SERAC1: variants seen among roughly 807,000 people sequenced by gnomAD.
SERAC1 encodes protein SERAC1.
In SERAC1, 36 loss-of-function variants were observed where a neutral mutation model predicts 85.7. That is an observed-to-expected ratio of 0.42 (90% CI 0.32 to 0.55). SERAC1 has a LOEUF of 0.55. SERAC1 is among the 20% of genes least tolerant of loss of function. The pLI, the probability that SERAC1 is intolerant of heterozygous loss-of-function variation, is 0.11. For missense variants in SERAC1, 629 were observed against 796.2 expected (o/e 0.79, Z 2.53); for synonymous variants, 242 against 265.3 (o/e 0.91, Z 0.85).
At chr6:158,125,337 AAAAAT>A (rs796485590) in intron 10 of SERAC1, among the ~76,000 whole-genome samples, 3 of 152,314 alleles carry the variant, frequency 2.0e-5, no homozygotes, top group African/African-American at 7.2e-5. Flanking sequence ...TTTTAAATAA[AAAAAT>A]AAAAGAGGCT....
intron 3 of SERAC1, 32 bp downstream of exon 3, chr6:158,155,283 A>C (rs1430969154): frequency 6.9e-7 from 1 of 1,452,576 alleles, no homozygotes; most frequent in South Asian, 1.1e-5. Flanking sequence ...AGTATAATGA[A>C]GCCAATTAAT....
At position 158,148,891 on chromosome 6, in the gene SERAC1, G is replaced by A. The variant is rs368403843; in HGVS notation, c.329C>T (p.Ala110Val). 8 of 1,612,074 alleles carry A rather than the reference G, an allele frequency of 5.0e-6. No homozygotes were observed. In the African/African-American group the frequency reaches 1.1e-4, roughly 22 times the overall value. ...AGCAAATGGATTCCGCAGTATCTTG[G>A]CTGATGTTGCCAATACTTTTCTTAC... Reference protein sequence around the residue: ...KAVRKVLATSAKILRNPFADP... With the variant: ...KAVRKVLATSVKILRNPFADP... Residue 110 changes from alanine (A) to valine (V), a missense_variant, in exon 5 of 17, where the codon GCC becomes GTC. Transcript: ENST00000647468.
chr6:158,150,263 C>T (rs1785171083), intron 4 of SERAC1, among the ~76,000 whole-genome samples, 190 bp downstream of exon 4: 1 of 152,150 alleles, frequency 6.6e-6, no homozygotes, highest in South Asian at 2.1e-4. Flanking sequence ...GAGTTGCAAA[C>T]CTGGATTAAA....
intron 15 of SERAC1, 90 bp downstream of exon 15, chr6:158,114,699 G>GATAATACATTCAAGGAATATAAAATGAT (rs1286910569): frequency 1.3e-6 from 2 of 1,590,578 alleles, no homozygotes; most frequent in Non-Finnish European, 1.7e-6. Flanking sequence ...TATAAAATGA[G>GATAATACATTCAAGGAATATAAAATGAT]ATAATACATT....
chr6:158,139,911 G>T (rs981360541), intron 8 of SERAC1, among the ~76,000 whole-genome samples: 3 of 152,186 alleles, frequency 2.0e-5, no homozygotes, highest in South Asian at 2.1e-4. Flanking sequence ...CACACAATGG[G>T]ATGGCTAGAA....
intron 9 of SERAC1, among the ~76,000 whole-genome samples, chr6:158,129,987 C>A (rs1046939017): frequency 6.6e-6 from 1 of 152,156 alleles, no homozygotes; most frequent in Non-Finnish European, 1.5e-5. Context: ...TGAGCCACCG[C>A]GCCCAGCCTG....
At chr6:158,130,293 T>C (rs566656141) in intron 9 of SERAC1, 80 bp downstream of exon 9, 271 of 694,572 alleles carry the variant, frequency 3.9e-4, no homozygotes, top group Non-Finnish European at 5.4e-4. Flanking sequence ...TAAATGATTA[T>C]TGCCCTTGCA....
At chr6:158,160,421 G>A (rs557245823) in intron 1 of SERAC1, among the ~76,000 whole-genome samples, 1 of 152,240 alleles carries the variant, frequency 6.6e-6, no homozygotes, top group Non-Finnish European at 1.5e-5. Flanking sequence ...GCCATCAGGT[G>A]CACACAAATG....
Position 158,120,106 on chromosome 6 carries a change from A to T in SERAC1, c.1166+319T>A, listed in dbSNP as rs1464197830. Among the ~76,000 whole-genome samples the T allele has an allele frequency of 6.6e-6, 1 of 152,198 alleles. No individual in the cohort carries two copies. The highest frequency in any genetic ancestry group is 1.5e-5 in the Non-Finnish European group (1 of 68,040). On this transcript the variant is annotated intron_variant, in intron 11 of 16. Transcript: ENST00000647468. The surrounding 1 kb of genome is among the most constrained non-coding windows in gnomAD (Gnocchi z 4.4). ...TACAATCCAAATCAGTTATTAACTC[A>T]GATCTAAGTGAAAATGCCTTGAACC... is the stretch of plus-strand genomic sequence containing the variant.
intron 10 of SERAC1, among the ~76,000 whole-genome samples, chr6:158,124,370 T>C (rs1285334507): frequency 1.3e-5 from 2 of 151,758 alleles, no homozygotes; most frequent in Non-Finnish European, 2.9e-5. Flanking sequence ...AAGATAAGAA[T>C]AAAAAAGGAC....
At chr6:158,126,339 G>A (rs1177460987) in intron 10 of SERAC1, among the ~76,000 whole-genome samples, 1 of 152,040 alleles carries the variant, frequency 6.6e-6, no homozygotes, top group Non-Finnish European at 1.5e-5. Context: ...AAATAATGTG[G>A]GCATATCATA....
At chr6:158,137,659 T>C (rs559573717) in intron 8 of SERAC1, among the ~76,000 whole-genome samples, 34 of 152,208 alleles carry the variant, frequency 2.2e-4, no homozygotes, top group African/African-American at 7.9e-4. Context: ...GGTGGACCTC[T>C]TGAGCCAGGA....
At position 158,140,944 on chromosome 6, in the gene SERAC1, G is replaced by C. The variant is rs777061313; in HGVS notation, c.738+2112C>G. ...ACAGTACAGTTTTTTTTTCCAATGA[G>C]AAATGTTCATAGCAGTATTATTCAT... On this transcript the variant is annotated intron_variant, in intron 8 of 16. Transcript: ENST00000647468. Among the ~76,000 whole-genome samples, 102 of 152,130 alleles carry C rather than the reference G, an allele frequency of 6.7e-4. 1 individual carries two copies. Among genetic ancestry groups the C allele is most frequent in the Non-Finnish European group, 3.5e-4 (24 of 67,988 alleles).
At chr6:158,156,774 TAATA>T (rs991352686) in intron 2 of SERAC1, among the ~76,000 whole-genome samples, 4 of 138,918 alleles carry the variant, frequency 2.9e-5, no homozygotes, top group East Asian at 4.0e-4. Context: ...ATTTTATATA[TAATA>T]AATATATTAT....
chr6:158,132,258 A>G (rs987127095), intron 8 of SERAC1, among the ~76,000 whole-genome samples: 4 of 152,218 alleles, frequency 2.6e-5, no homozygotes, highest in Non-Finnish European at 5.9e-5. Context: ...TTAATTTATA[A>G]GGTCCATGGT....
chr6:158,160,195 G>A (rs777579807), intron 1 of SERAC1, among the ~76,000 whole-genome samples: 4 of 151,772 alleles, frequency 2.6e-5, no homozygotes, highest in Non-Finnish European at 4.4e-5. Flanking sequence ...CGCACTTGTC[G>A]ATTTACCCCT....
chr6:158,120,306 G>T lies in SERAC1; in HGVS notation c.1166+119C>A. 9.7e-7 allele frequency: 1 copy of T among 1,034,944 alleles called. No homozygotes were observed. The highest frequency in any genetic ancestry group is 1.3e-6 in the Non-Finnish European group (1 of 741,598). The allele number at this position is 1,034,944 out of a possible 1,614,324, so 64.1% of individuals were successfully genotyped here. A position where few individuals can be genotyped will look rare whatever the true frequency, so the allele number is the denominator to read the frequency against. ...ATAGACAAATTATTTTAGTAAATAA[G>T]ATATTTGACTTATAAGTTATTTAAC... On this transcript the variant is annotated intron_variant, in intron 11 of 16. Transcript: ENST00000647468. The surrounding 1 kb of genome is among the most constrained non-coding windows in gnomAD (Gnocchi z 4.4).
intron 1 of SERAC1, among the ~76,000 whole-genome samples, chr6:158,163,704 T>G (rs941582747): frequency 6.6e-6 from 1 of 152,000 alleles, no homozygotes; most frequent in Non-Finnish European, 1.5e-5. Context: ...ATATAAACAC[T>G]GCACTGTTTA....
At chr6:158,155,199 G>A in intron 3 of SERAC1, 116 bp downstream of exon 3, 1 of 663,278 alleles carries the variant, frequency 1.5e-6, no homozygotes, top group Non-Finnish European at 2.7e-6. Context: ...AAATCCACCA[G>A]TCTAATTCCA....
Sources: gnomAD v4.1 joint callset for allele counts (sites outside exome capture counted in the v4.1 genomes callset) on GRCh38, gnomAD v4.1.1 for gene constraint, Gnocchi (gnomAD v3.1) non-coding constraint, MANE v1.5 for transcripts, NCBI Gene and HGNC (gene_info 2026-07-23, HGNC 2026-07-21) for gene names.